The following LAMA5 variants were observed in gnomAD, a reference collection of about 807,000 sequenced individuals.
LAMA5 encodes the protein laminin subunit alpha 5.
LAMA5 carries 260 observed loss-of-function variants against 433.4 expected under a neutral mutation model. The ratio of observed to expected loss-of-function variants is 0.60; its 90% CI spans 0.54 to 0.66. The LOEUF (loss-of-function observed/expected upper bound fraction) is 0.66. LAMA5 is among the 30% of genes least tolerant of loss of function. The pLI is 0.00. For synonymous variants in LAMA5, 2,620 were observed against 2,226.6 expected (o/e 1.18, Z -4.97); for missense variants, 5,378 against 5,258.5 (o/e 1.02, Z -0.70).
intron 43 of LAMA5, 83 bp from the exon 44 acceptor site, chr20:62,323,939 A>ACTGTGCTC: frequency 6.9e-7 from 1 of 1,459,048 alleles, no homozygotes; most frequent in Non-Finnish European, 9.2e-7. Context: ...GCTGGAACAC[A>ACTGTGCTC]CGCCAGGCGT....
At position 62,353,268 on chromosome 20, in the gene LAMA5, C is replaced by CGTCAGGGGA. The variant is rs754323608; in HGVS notation, c.451-26_451-18dup. 5.7e-6 allele frequency: 9 copies of CGTCAGGGGA among 1,565,414 alleles called. No individual in the cohort carries two copies. The highest frequency in any genetic ancestry group is 1.2e-5 in the South Asian group (1 of 86,390). On this transcript the variant is annotated splice_polypyrimidine_tract_variant and intron_variant, in intron 2 of 79. Coordinates refer to ENST00000252999, the MANE Select transcript of LAMA5 (RefSeq NM_005560.6). ...GTGGAAGACCTGTGGGCCGAGAGGGCGTCAGGGGAGCCAGGGGCGCCTGGA... is the reference window on the plus strand; with the variant it reads ...GTGGAAGACCTGTGGGCCGAGAGGGCGTCAGGGGAGTCAGGGGAGCCAGGGGCGCCTGGA...
intron 58 of LAMA5, among the ~76,000 whole-genome samples, chr20:62,315,413 G>A (rs1986835228): frequency 6.6e-6 from 1 of 152,038 alleles, no homozygotes; most frequent in Non-Finnish European, 1.5e-5. Flanking sequence ...CAGGCACCCA[G>A]CCTCTCAGGC....
chr20:62,362,351 G>T, intron 2 of LAMA5, 49 bp downstream of exon 2: 1 of 1,413,946 alleles, frequency 7.1e-7, no homozygotes, highest in Non-Finnish European at 9.3e-7. Context: ...AGGCCCGACG[G>T]GCACAGACAC....
chr20:62,332,955 C>CAGGAGGCAGGGGT, intron 26 of LAMA5, 135 bp downstream of exon 26: 1 of 96,588 alleles, frequency 1.0e-5, no homozygotes, highest in Non-Finnish European at 1.7e-5. Context: ...GAGGCAGGGG[C>CAGGAGGCAGGGGT]GCCCTGCCTG....
intron 20 of LAMA5, 37 bp from the exon 21 acceptor site, chr20:62,334,658 C>CCCCCACCCAGCCTCAGGGG (rs1981199098): frequency 1.3e-6 from 2 of 1,512,758 alleles, no homozygotes; most frequent in Non-Finnish European, 1.8e-6. Flanking sequence ...GGCTGCCTGG[C>CCCCCACCCAGCCTCAGGGG]CCCCACCCAG....
At chr20:62,361,879 C>T (rs1037899933) in intron 2 of LAMA5, among the ~76,000 whole-genome samples, 1 of 152,204 alleles carries the variant, frequency 6.6e-6, no homozygotes, top group African/African-American at 2.4e-5. Context: ...GTGCAGGGGC[C>T]TCCAAGGCCA....
At chr20:62,314,238 G>T in intron 62 of LAMA5, 66 bp downstream of exon 62, 1 of 1,557,954 alleles carries the variant, frequency 6.4e-7, no homozygotes, top group Non-Finnish European at 8.7e-7. Context: ...ACGGAGAGGG[G>T]AGAGATGGCG....
rs555202728 is a variant in LAMA5 at position 62,333,852 on chromosome 20, G to GTGGGC, written c.2878+44_2878+48dup. On this transcript the variant is annotated intron_variant, in intron 23 of 79. Transcript: ENST00000252999. ...GGGCTTGGGAGTGGGGTGGGGTGGG[G>GTGGGC]TGGGCTGGGCTGGTGGGGCAGGGGC... is the stretch of plus-strand genomic sequence containing the variant. 333,700 of 1,416,114 alleles carry GTGGGC rather than the reference G, an allele frequency of 0.24. 45,344 individuals carry two copies. Among genetic ancestry groups the GTGGGC allele is most frequent in the Middle Eastern group, 0.26 (1,028 of 3,976 alleles). 87.7% of individuals were successfully genotyped at this position (1,416,114 alleles called of 1,614,324 possible).
rs750765510 is a variant in LAMA5 at position 62,336,402 on chromosome 20, C to G, written c.2261G>C (p.Ser754Thr). 1 of 1,612,516 alleles carries G rather than the reference C, an allele frequency of 6.2e-7. No individual in the cohort carries two copies. Among genetic ancestry groups the G allele is most frequent in the South Asian group, 1.1e-5 (1 of 91,084 alleles). The change falls in exon 18 of 80, where the codon AGC becomes ACC. Residue 754 changes from serine to threonine, a missense_variant. By Grantham distance (58) the Ser-to-Thr change is moderately conservative (BLOSUM62 1). Transcript: ENST00000252999. Reference sequence around the variant, plus strand: ...GAACCCAGGTTTGCAGCGGTCACAGCTCGGCCCCTCCACGTGAGCCCGGCA... The same window carrying G: ...GAACCCAGGTTTGCAGCGGTCACAGGTCGGCCCCTCCACGTGAGCCCGGCA... ...CMCRAHVEGP[S>T]CDRCKPGFWG...
intron 1 of LAMA5, among the ~76,000 whole-genome samples, chr20:62,366,748 T>A (rs1191037080): frequency 6.6e-6 from 1 of 152,136 alleles, no homozygotes; most frequent in Non-Finnish European, 1.5e-5. Context: ...GGACTTTAAT[T>A]CCGCCTTCCC....
At position 62,346,061 on chromosome 20, in the gene LAMA5, T is replaced by C. The variant is rs201133213; in HGVS notation, c.1417+20A>G. The C allele has an allele frequency of 6.2e-7, 1 of 1,611,928 alleles. No homozygotes were observed. The highest frequency in any genetic ancestry group is 2.2e-5 in the East Asian group (1 of 44,862). On this transcript the variant is annotated intron_variant, in intron 10 of 79. Transcript: ENST00000252999. ...CAGCAGGCAGTGGTGTCTGTTTGGA[T>C]GCCCCTGGCAGGTGCTCACGGTAGC...
Position 62,313,364 on chromosome 20 carries a change from A to G in LAMA5, c.8755T>C (p.Phe2919Leu), listed in dbSNP as rs1601282472. ...CTGTCCACAGCCGTGTCCAGCTGGA[A>G]GGTCCTCTCGAAGTTGTAGAGGCTG... ...VVSLYNFERT[F>L]QLDTAVDRPC... Residue 2919 changes from phenylalanine to leucine, a missense_variant, in exon 64 of 80, where the codon TTC becomes CTC. Physicochemically the swap from Phe to Leu is conservative, Grantham distance 22. Transcript: ENST00000252999. 6.3e-7 allele frequency: 1 copy of G among 1,585,220 alleles called. No homozygotes were observed. The highest frequency in any genetic ancestry group is 1.3e-5 in the African/African-American group (1 of 74,364).
chr20:62,346,641 C>T lies in LAMA5; in HGVS notation c.1191+41G>A, dbSNP rs754790979. ...TGAGTCTGGGGAGGTCCCTGCCCCA[C>T]CTCAGGGCCAGCCCATTCCCAGCCC... On this transcript the variant is annotated intron_variant, in intron 8 of 79. Coordinates refer to ENST00000252999, the MANE Select transcript of LAMA5 (RefSeq NM_005560.6). The T allele has an allele frequency of 2.2e-5, 35 of 1,610,442 alleles. No homozygotes were observed. In the Admixed American group the frequency reaches 2.3e-4, roughly 11 times the overall value.
chr20:62,310,375 C>G (rs755485937), intron 76 of LAMA5, 44 bp downstream of exon 76: 2 of 1,565,240 alleles, frequency 1.3e-6, no homozygotes, highest in South Asian at 2.4e-5. Flanking sequence ...CCTGGAGCCC[C>G]CTGCCCTGCC....
chr20:62,314,443 G>A lies in LAMA5; in HGVS notation c.8368-3C>T, dbSNP rs1568899418. The A allele has an allele frequency of 1.2e-6, 2 of 1,613,324 alleles. No homozygotes were observed. The highest frequency in any genetic ancestry group is 1.7e-6 in the Non-Finnish European group (2 of 1,179,914). Reference sequence around the variant, plus strand: ...ACACCCATGTAGTCCCCAGTGGCCTGCGGCAGTGACAGACACACAGTCGGG... The same window carrying A: ...ACACCCATGTAGTCCCCAGTGGCCTACGGCAGTGACAGACACACAGTCGGG... On this transcript the variant is annotated splice_region_variant and splice_polypyrimidine_tract_variant and intron_variant, in intron 61 of 79. Transcript: ENST00000252999.
chr20:62,333,874 G>A (rs1981014570), intron 23 of LAMA5, 27 bp downstream of exon 23: 5 of 1,540,658 alleles, frequency 3.2e-6, no homozygotes, highest in Admixed American at 1.8e-5. Flanking sequence ...GGTGGGGCAG[G>A]GGCTGTGGCC....
At chr20:62,322,495 C>T in intron 46 of LAMA5, 46 bp from the exon 47 acceptor site, 1 of 1,534,432 alleles carries the variant, frequency 6.5e-7, no homozygotes, top group Non-Finnish European at 8.8e-7. Flanking sequence ...TCAAGACTGT[C>T]CCAGACCAAC....
At chr20:62,353,094 C>G (rs768094632) in intron 3 of LAMA5, 40 bp downstream of exon 3, 8 of 1,451,520 alleles carry the variant, frequency 5.5e-6, no homozygotes, top group Non-Finnish European at 6.6e-6. Flanking sequence ...CAGGGACCCC[C>G]CTGCCTCTCC....
At position 62,331,135 on chromosome 20, in the gene LAMA5, G is replaced by T. The variant is rs1980313533; in HGVS notation, c.3553-6C>A. 1.9e-6 allele frequency: 3 copies of T among 1,551,134 alleles called. No individual in the cohort carries two copies. The highest frequency in any genetic ancestry group is 2.6e-6 in the Non-Finnish European group (3 of 1,145,520). On this transcript the variant is annotated splice_polypyrimidine_tract_variant and splice_region_variant and intron_variant, in intron 28 of 79. Transcript: ENST00000252999. ...GGCACCAGAGTGACCCCGTGCTGCA[G>T]GCAGAGGGACGAGATGCTGCAACGC... is the stretch of plus-strand genomic sequence containing the variant.
Sources: allele counts gnomAD v4.1 joint callset (sites outside exome capture counted in the v4.1 genomes callset), GRCh38; gene constraint gnomAD v4.1.1; transcripts MANE v1.5; gene names NCBI Gene and HGNC (gene_info 2026-07-23, HGNC 2026-07-21).